The following NAALADL2 variants were observed in gnomAD, a reference collection of about 807,000 sequenced individuals.
NAALADL2 encodes inactive N-acetylated-alpha-linked acidic dipeptidase-like protein 2.
A neutral mutation model predicts 87.2 loss-of-function variants in NAALADL2; 76 were observed. The ratio of observed to expected loss-of-function variants is 0.87; its 90% CI spans 0.72 to 1.05. The LOEUF is 1.05. Among genes scored for constraint, NAALADL2 ranks in the 50% least tolerant of loss-of-function variants. The pLI, the probability that NAALADL2 is intolerant of heterozygous loss-of-function variation, is 0.00. For synonymous variants in NAALADL2, 354 were observed against 331.0 expected (o/e 1.07, Z -0.75); for missense variants, 1,089 against 945.8 (o/e 1.15, Z -1.99).
intron 2 of NAALADL2, among the ~76,000 whole-genome samples, chr3:174,733,135 G>A (rs879711862): frequency 5.3e-5 from 8 of 152,060 alleles, no homozygotes; most frequent in Admixed American, 5.2e-4. Context: ...ATATCAAGTG[G>A]GAGCTAGTGG....
At chr3:175,730,395 G>GATATATATATATATATATATAT (rs5854656) in intron 11 of NAALADL2, among the ~76,000 whole-genome samples, 1 of 55,748 alleles carries the variant, frequency 1.8e-5, no homozygotes, top group Non-Finnish European at 3.5e-5. Context: ...ACTTAATACA[G>GATATATATATATATATATATAT]ATATATATAT....
At chr3:175,176,450 A>G (rs1456845374) in intron 2 of NAALADL2, among the ~76,000 whole-genome samples, 36 of 152,278 alleles carry the variant, frequency 2.4e-4, no homozygotes, top group Non-Finnish European at 1.3e-4. Flanking sequence ...ATATCAGAAC[A>G]CAATTCTGGT....
chr3:175,667,924 C>A (rs1393144786), intron 11 of NAALADL2, among the ~76,000 whole-genome samples: 2 of 152,008 alleles, frequency 1.3e-5, no homozygotes, highest in Non-Finnish European at 2.9e-5. Context: ...TAAAACAGTT[C>A]CTTTATCATT....
intron 1 of NAALADL2, among the ~76,000 whole-genome samples, chr3:174,469,513 C>G (rs558176181): frequency 3.3e-5 from 5 of 151,950 alleles, no homozygotes; most frequent in African/African-American, 1.2e-4. Context: ...ACTGCTAGCT[C>G]TGCCTCCTGG....
chr3:174,534,605 T>A (rs1383182887), intron 1 of NAALADL2, among the ~76,000 whole-genome samples: 2 of 152,088 alleles, frequency 1.3e-5, no homozygotes, highest in Non-Finnish European at 2.9e-5. Context: ...TTCAGAAGGG[T>A]GGAAAACTTA....
At chr3:174,623,419 C>A (rs1233069169) in intron 2 of NAALADL2, among the ~76,000 whole-genome samples, 1 of 152,016 alleles carries the variant, frequency 6.6e-6, no homozygotes, top group South Asian at 2.1e-4. Flanking sequence ...TAGGAAATTT[C>A]AACTTTTTAT....
chr3:174,782,818 G>A (rs961316483), intron 3 of NAALADL2, among the ~76,000 whole-genome samples: 8 of 152,028 alleles, frequency 5.3e-5, no homozygotes, highest in Admixed American at 3.3e-4. Flanking sequence ...ACTATCACAA[G>A]AACAGCATGG....
chr3:174,855,918 A>G, upstream of NAALADL2, among the ~76,000 whole-genome samples: 1 of 150,582 alleles, frequency 6.6e-6, no homozygotes, highest in Non-Finnish European at 1.5e-5. Flanking sequence ...GAATATATAT[A>G]CACATAGATA....
chr3:175,116,422 A>G (rs1052065608), intron 2 of NAALADL2, among the ~76,000 whole-genome samples: 1 of 152,100 alleles, frequency 6.6e-6, no homozygotes, highest in African/African-American at 2.4e-5. Flanking sequence ...AAACACAAGC[A>G]TTCCTATACA....
chr3:174,464,356 C>G (rs1270360082), intron 1 of NAALADL2, among the ~76,000 whole-genome samples: 1 of 144,812 alleles, frequency 6.9e-6, no homozygotes, highest in Non-Finnish European at 1.5e-5. Context: ...CTGAAATGAT[C>G]ATTTTTTAAA....
intron 1 of NAALADL2, among the ~76,000 whole-genome samples, chr3:174,479,127 T>C (rs1245593586): frequency 6.6e-6 from 1 of 152,222 alleles, no homozygotes. Flanking sequence ...AACAAATTTA[T>C]GATACATTTC....
intron 11 of NAALADL2, among the ~76,000 whole-genome samples, chr3:175,641,884 G>C (rs990147273): frequency 1.3e-5 from 2 of 151,996 alleles, no homozygotes; most frequent in Non-Finnish European, 2.9e-5. Flanking sequence ...TCAAATGCCA[G>C]GTATATTAGT....
chr3:174,564,003 A>G (rs1170401470), intron 2 of NAALADL2, among the ~76,000 whole-genome samples: 1 of 152,192 alleles, frequency 6.6e-6, no homozygotes, highest in African/African-American at 2.4e-5. Flanking sequence ...TCTAAAGCAC[A>G]GGGAAACTTA....
chr3:175,510,963 G>A (rs1006138667), intron 9 of NAALADL2, among the ~76,000 whole-genome samples: 5 of 152,112 alleles, frequency 3.3e-5, no homozygotes, highest in African/African-American at 1.2e-4. Flanking sequence ...TGTTACTATG[G>A]TGATGATGTT....
At chr3:174,879,459 A>G (rs1295826589) in intron 1 of NAALADL2, among the ~76,000 whole-genome samples, 1 of 152,048 alleles carries the variant, frequency 6.6e-6, no homozygotes, top group Non-Finnish European at 1.5e-5. Context: ...TGGCCTCAAA[A>G]CATACAGTTT....
intron 5 of NAALADL2, among the ~76,000 whole-genome samples, chr3:175,334,932 A>C (rs1366626347): frequency 1.3e-5 from 2 of 152,158 alleles, no homozygotes; most frequent in Non-Finnish European, 2.9e-5. Context: ...CCGTTTCTGC[A>C]ATCAGTCATT....
At chr3:174,950,896 A>G (rs969715403) in intron 1 of NAALADL2, among the ~76,000 whole-genome samples, 1 of 152,098 alleles carries the variant, frequency 6.6e-6, no homozygotes, top group Non-Finnish European at 1.5e-5. Context: ...GTATGTTTAT[A>G]TCTATCTCTT....
intron 4 of NAALADL2, among the ~76,000 whole-genome samples, chr3:175,281,990 T>C (rs1213015422): frequency 6.6e-6 from 1 of 151,988 alleles, no homozygotes; most frequent in Non-Finnish European, 1.5e-5. Flanking sequence ...ACACATATTA[T>C]TTGCATCTCT....
At chr3:175,556,074 C>T (rs944982408) in intron 9 of NAALADL2, among the ~76,000 whole-genome samples, 1 of 152,162 alleles carries the variant, frequency 6.6e-6, no homozygotes, top group African/African-American at 2.4e-5. Context: ...GGGTAGCCAG[C>T]GACTCACTTC....
Sources: gnomAD v4.1 joint callset for allele counts (sites outside exome capture counted in the v4.1 genomes callset) on GRCh38, gnomAD v4.1.1 for gene constraint, MANE v1.5 for transcripts, NCBI Gene and HGNC (gene_info 2026-07-23, HGNC 2026-07-21) for gene names.